IL17RD: variants seen among roughly 807,000 people sequenced by gnomAD.
IL17RD encodes interleukin-17 receptor D.
IL17RD carries 52 observed loss-of-function variants against 80.5 expected under a neutral mutation model. That is an observed-to-expected ratio of 0.65 (90% CI 0.52 to 0.81). IL17RD has a LOEUF of 0.81. Ranked by LOEUF, IL17RD falls within the 40% of genes least tolerant of loss-of-function variation. IL17RD has a pLI of 0.00. For synonymous variants in IL17RD, 416 were observed against 391.8 expected, an observed-to-expected ratio of 1.06 and a Z score of -0.73; for missense variants, 1,024 against 955.1, an observed-to-expected ratio of 1.07 and a Z score of -0.95.
intron 1 of IL17RD, chr3:57,134,624 G>A (rs1707682940): frequency 4.7e-6 from 4 of 853,466 alleles, no homozygotes; most frequent in Non-Finnish European, 6.1e-6. Context: ...AGGCCCGCAG[G>A]TCTAAGACCA....
chr3:57,105,303 C>T (rs113105676), intron 7 of IL17RD, among the ~76,000 whole-genome samples: 3,356 of 151,856 alleles, frequency 0.022, 52 homozygotes, highest in Middle Eastern at 0.088. Context: ...TTTGGGAGGC[C>T]AAGGTGGGTA....
At chr3:57,121,702 T>G (rs1707343757) in intron 1 of IL17RD, among the ~76,000 whole-genome samples, 1 of 151,936 alleles carries the variant, frequency 6.6e-6, no homozygotes. Flanking sequence ...ATCCTAAGAG[T>G]GTCTACAACT....
At chr3:57,123,890 A>G (rs1233136245) in intron 1 of IL17RD, among the ~76,000 whole-genome samples, 1 of 152,132 alleles carries the variant, frequency 6.6e-6, no homozygotes, top group Non-Finnish European at 1.5e-5. Context: ...CTAAAAATAC[A>G]AAAAATTAAC....
rs200221362 is a variant in IL17RD, at chr3:57,097,592, T to G, written c.2107+4A>C. The G allele has an allele frequency of 1.6e-5, 25 of 1,566,330 alleles. No homozygotes were observed. The highest frequency in any genetic ancestry group is 2.0e-5 in the Non-Finnish European group (23 of 1,155,670). ...GTTAGGACCCGGCCCCAAAGGCACC[T>G]TACCCAGGCCTGAAGAGGAGGACAC... On this transcript the variant is annotated splice_donor_region_variant and intron_variant, in intron 12 of 12. Transcript: ENST00000296318.
intron 1 of IL17RD, among the ~76,000 whole-genome samples, chr3:57,138,405 G>A (rs146149227): frequency 2.0e-5 from 3 of 152,262 alleles, no homozygotes; most frequent in African/African-American, 7.2e-5. Context: ...AGACTAGAGG[G>A]TGGAAGACTG....
rs542532187 is a variant in IL17RD, at chr3:57,113,129, CT to C, written c.310+1562del. Among the ~76,000 whole-genome samples the C allele has an allele frequency of 1.2e-4, 18 of 152,340 alleles. No individual in the cohort carries two copies. The East Asian group carries it at 2.3e-3, about 20-fold the overall frequency. ...TCACACTTGGCTAACCCATTCTTTC[CT>C]GTGTATCTTCAATTCATTCAAGAGG... On this transcript the variant is annotated intron_variant, in intron 3 of 12. Coordinates refer to ENST00000296318, the MANE Select transcript of IL17RD (RefSeq NM_017563.5).
chr3:57,163,812 C>T (rs1321391718), intron 1 of IL17RD, among the ~76,000 whole-genome samples: 2 of 12,958 alleles, frequency 1.5e-4, no homozygotes, highest in Non-Finnish European at 3.2e-4. Context: ...AAGGGGGTGG[C>T]GGGGGCGGAG....
Position 57,114,782 on chromosome 3 carries a change from C to T in IL17RD, c.220G>A (p.Val74Met), listed in dbSNP as rs1204395757. ...GTGATATTCTGGGCGTCAGCAATCA[C>T]ATGCTTCCCCACTGGATTCAAGTAG... The part of the protein sequence containing the change: ...TTYLNPVGKH[V>M]IADAQNITIS... Residue 74 changes from valine (V) to methionine (M), a missense_variant, in exon 3 of 13, where the codon GTG becomes ATG. Physicochemically the swap from Val to Met is conservative, Grantham distance 21. Transcript: ENST00000296318. The T allele has an allele frequency of 6.2e-7, 1 of 1,610,724 alleles. No homozygotes were observed. Among genetic ancestry groups the T allele is most frequent in the African/African-American group, 1.3e-5 (1 of 74,830 alleles).
intron 1 of IL17RD, among the ~76,000 whole-genome samples, chr3:57,129,461 G>A (rs1707561477): frequency 6.6e-6 from 1 of 152,154 alleles, no homozygotes; most frequent in African/African-American, 2.4e-5. Flanking sequence ...ACACAGAGAG[G>A]TGCACCGAAT....
At chr3:57,135,191 G>A (rs1707699852) in intron 1 of IL17RD, among the ~76,000 whole-genome samples, 1 of 152,158 alleles carries the variant, frequency 6.6e-6, no homozygotes, top group Non-Finnish European at 1.5e-5. Context: ...AGGCCAAGCT[G>A]TCAGGTGAGC....
rs144425478 is a variant in IL17RD, at chr3:57,098,032, G to A, written c.1671C>T (p.Pro557=). 6 of 1,613,868 alleles carry A rather than the reference G, an allele frequency of 3.7e-6. No individual in the cohort carries two copies. The highest frequency in any genetic ancestry group is 3.3e-5 in the Admixed American group (2 of 60,004). Residue 557 remains proline, a synonymous_variant, in exon 12 of 13, where the codon CCC becomes CCT. Transcript: ENST00000296318. ...GAACGAACTGCTTTTCGAACCAGTC[G>A]GGCTCCTCGTCAATAAACTGGTGCA... The part of the protein sequence containing the change: ...CNMHQFIDEE[P]DWFEKQFVPF...
intron 1 of IL17RD, among the ~76,000 whole-genome samples, chr3:57,121,960 C>T (rs1273568832): frequency 2.0e-5 from 3 of 152,144 alleles, no homozygotes; most frequent in Non-Finnish European, 4.4e-5. Context: ...CCACTGTCCC[C>T]GCCCTCATGA....
intron 1 of IL17RD, among the ~76,000 whole-genome samples, chr3:57,129,632 G>A (rs1707565845): frequency 2.0e-5 from 3 of 152,084 alleles, no homozygotes; most frequent in Non-Finnish European, 2.9e-5. Flanking sequence ...ACAGGTCCCC[G>A]GCAAGCCCCA....
rs1706736550 is a variant in IL17RD at position 57,098,177 on chromosome 3, G to C, written c.1526C>G (p.Ser509Cys). The C allele has an allele frequency of 6.2e-7, 1 of 1,613,938 alleles. No individual in the cohort carries two copies. Among genetic ancestry groups the C allele is most frequent in the Non-Finnish European group, 8.5e-7 (1 of 1,179,860 alleles). ...GCCGTGGTCTCGGGAGTGCAAGTGG[G>C]AACAGAGCTGAGGAAGATTGTCCAT... ...RLMDNLPQLC[S>C]HLHSRDHGLQ... The change falls in exon 12 of 13, where the codon TCC becomes TGC. Residue 509 changes from serine (S) to cysteine (C), a missense_variant. Transcript: ENST00000296318.
At chr3:57,100,777 G>A (rs1454195563) in intron 11 of IL17RD, among the ~76,000 whole-genome samples, 10 of 152,144 alleles carry the variant, frequency 6.6e-5, no homozygotes, top group Non-Finnish European at 1.5e-5. Context: ...CGAACTCACT[G>A]CTTTACTTGC....
At chr3:57,130,827 G>A (rs972239035) in intron 1 of IL17RD, among the ~76,000 whole-genome samples, 4 of 152,140 alleles carry the variant, frequency 2.6e-5, no homozygotes, top group African/African-American at 9.7e-5. Context: ...TGTGTGCCCA[G>A]CCACAAAGCC....
chr3:57,102,893 G>C (rs915331935), intron 9 of IL17RD, among the ~76,000 whole-genome samples, 198 bp downstream of exon 9: 1 of 152,156 alleles, frequency 6.6e-6, no homozygotes, highest in Non-Finnish European at 1.5e-5. Context: ...TATCTAGTCC[G>C]AGCTACACAC....
intron 1 of IL17RD, among the ~76,000 whole-genome samples, chr3:57,162,168 T>C (rs958673476): frequency 6.6e-6 from 1 of 152,178 alleles, no homozygotes; most frequent in African/African-American, 2.4e-5. Flanking sequence ...CTTGCAAAAA[T>C]ACACATTCCT....
chr3:57,102,018 A>C (rs62250336), intron 10 of IL17RD, among the ~76,000 whole-genome samples: 1 of 4,654 alleles, frequency 2.1e-4, no homozygotes, highest in Non-Finnish European at 1.4e-3. Context: ...CCAGCATGAG[A>C]GGGAGGCTGA....
Sources: gnomAD v4.1 joint callset for allele counts (sites outside exome capture counted in the v4.1 genomes callset) on GRCh38, gnomAD v4.1.1 for gene constraint, MANE v1.5 for transcripts, NCBI Gene and HGNC (gene_info 2026-07-23, HGNC 2026-07-21) for gene names.